Variants in ANK2 observed in about 807,000 individuals in gnomAD.
ANK2 encodes ankyrin-2.
ANK2 carries 83 observed loss-of-function variants against 360.5 expected under a neutral mutation model. That is an observed-to-expected ratio of 0.23 (90% confidence interval 0.19 to 0.28). ANK2 has a LOEUF of 0.28. Ranked by LOEUF, ANK2 falls within the 10% of genes least tolerant of loss-of-function variation. The probability of loss-of-function intolerance (pLI) is 1.00; values close to 1 mark genes in which losing one functional copy is unlikely to be tolerated. For missense variants in ANK2, 4,201 were observed against 4,795.7 expected (o/e 0.88, Z 3.66); for synonymous variants, 1,740 against 1,759.5 (o/e 0.99, Z 0.28).
At chr4:113,263,054 G>A (rs550472954) in intron 13 of ANK2, among the ~76,000 whole-genome samples, 25 of 151,706 alleles carry the variant, frequency 1.6e-4, no homozygotes, top group African/African-American at 6.1e-4. Flanking sequence ...TGGGCATGGT[G>A]GCGGGCACCT....
chr4:112,716,135 G>A, the ANK2 span, among the ~76,000 whole-genome samples: 1 of 152,142 alleles, frequency 6.6e-6, no homozygotes, highest in African/African-American at 2.4e-5. Context: ...AATGAGGTTT[G>A]CACAGCCCCC....
At chr4:113,021,675 C>A (rs1267299613) in intron 2 of ANK2, among the ~76,000 whole-genome samples, 2 of 149,862 alleles carry the variant, frequency 1.3e-5, no homozygotes, top group African/African-American at 2.4e-5. Flanking sequence ...ATTTATGATT[C>A]ATTGAATGAG....
the ANK2 span, among the ~76,000 whole-genome samples, chr4:112,805,436 T>C: frequency 9.9e-5 from 15 of 152,278 alleles, no homozygotes; most frequent in Non-Finnish European, 2.2e-4. Flanking sequence ...CAGATCATTT[T>C]TTGTGCTCGC....
chr4:113,365,690 CTT>C (rs778345729), intron 41 of ANK2, among the ~76,000 whole-genome samples: 57 of 129,852 alleles, frequency 4.4e-4, no homozygotes, highest in African/African-American at 1.2e-3. Context: ...CTCTCTCTCT[CTT>C]ATCTCTATTT....
intron 2 of ANK2, among the ~76,000 whole-genome samples, chr4:112,932,799 A>C (rs2093386012): frequency 6.6e-6 from 1 of 152,172 alleles, no homozygotes; most frequent in Non-Finnish European, 1.5e-5. Context: ...TAAATGAGTG[A>C]AATTAATCAA....
At chr4:112,764,026 C>T in the ANK2 span, among the ~76,000 whole-genome samples, 1 of 152,070 alleles carries the variant, frequency 6.6e-6, no homozygotes, top group Admixed American at 6.6e-5. Flanking sequence ...TCACTGCAAC[C>T]TCCGCCTCCC....
intron 2 of ANK2, among the ~76,000 whole-genome samples, chr4:113,179,079 C>T (rs2098325542): frequency 1.3e-5 from 2 of 152,082 alleles, no homozygotes; most frequent in African/African-American, 4.8e-5. Flanking sequence ...TACTAAAACT[C>T]AAATACAATA....
intron 26 of ANK2, chr4:113,323,737 TA>T (rs2153882607): frequency 1.2e-6 from 2 of 1,608,206 alleles, no homozygotes; most frequent in Non-Finnish European, 1.7e-6. Context: ...TTCTCTGTGC[TA>T]AAGTATCTAT....
chr4:112,755,672 T>G, the ANK2 span: 1 of 166,676 alleles, frequency 6.0e-6, no homozygotes, highest in Non-Finnish European at 1.3e-5. Context: ...AAGGCTATTT[T>G]CACTTCTTTT....
chr4:113,118,335 A>G (rs895604496), intron 1 of ANK2, among the ~76,000 whole-genome samples: 1 of 152,216 alleles, frequency 6.6e-6, no homozygotes, highest in African/African-American at 2.4e-5. Context: ...AGCTGTTGTT[A>G]AACATAGCTC....
chr4:112,975,525 G>A (rs562260997), intron 2 of ANK2, among the ~76,000 whole-genome samples: 1 of 152,256 alleles, frequency 6.6e-6, no homozygotes, highest in South Asian at 2.1e-4. Context: ...ACAAAAATGG[G>A]TTTAATTAAA....
At chr4:113,159,169 C>T (rs1342114227) in intron 1 of ANK2, among the ~76,000 whole-genome samples, 1 of 142,936 alleles carries the variant, frequency 7.0e-6, no homozygotes, top group African/African-American at 2.6e-5. Flanking sequence ...ATGACTTCCT[C>T]TCTCTCTCTT....
chr4:113,123,448 T>TAA (rs2095487815), intron 1 of ANK2, among the ~76,000 whole-genome samples: 1 of 152,184 alleles, frequency 6.6e-6, no homozygotes, highest in Non-Finnish European at 1.5e-5. Context: ...CACTCTTTTT[T>TAA]ATTTGTATTT....
intron 41 of ANK2, among the ~76,000 whole-genome samples, chr4:113,365,589 C>T (rs2096492046): frequency 6.6e-6 from 1 of 152,058 alleles, no homozygotes; most frequent in South Asian, 2.1e-4. Context: ...CCTCGGGGAC[C>T]TCCAGCCATT....
chr4:113,152,094 A>G (rs138826789), intron 1 of ANK2, among the ~76,000 whole-genome samples: 1 of 80,544 alleles, frequency 1.2e-5, no homozygotes, highest in African/African-American at 6.4e-5. Flanking sequence ...AAAAAAAAAA[A>G]GAAAAAAGAA....
intron 1 of ANK2, among the ~76,000 whole-genome samples, chr4:112,861,999 T>C (rs913533354): frequency 5.3e-5 from 8 of 152,238 alleles, no homozygotes; most frequent in Non-Finnish European, 1.2e-4. Context: ...AAATCTATAA[T>C]GTGCCATACT....
the ANK2 span, among the ~76,000 whole-genome samples, chr4:112,769,536 C>T: frequency 6.6e-6 from 1 of 152,102 alleles, no homozygotes; most frequent in African/African-American, 2.4e-5. Flanking sequence ...TTCATTCTTC[C>T]TCAGAAATAG....
chr4:112,762,321 A>G, the ANK2 span, among the ~76,000 whole-genome samples: 6 of 152,200 alleles, frequency 3.9e-5, no homozygotes, highest in African/African-American at 7.2e-5. Flanking sequence ...TCAAATGTCT[A>G]CTCTTAATAA....
intron 2 of ANK2, among the ~76,000 whole-genome samples, chr4:113,016,906 C>G (rs1176982891): frequency 1.3e-5 from 2 of 152,186 alleles, no homozygotes; most frequent in East Asian, 3.9e-4. Flanking sequence ...TACCTCCCAT[C>G]AACTTGGAGT....
Sources: gnomAD v4.1 joint callset for allele counts (sites outside exome capture counted in the v4.1 genomes callset) on GRCh38, gnomAD v4.1.1 for gene constraint, MANE v1.5 for transcripts, NCBI Gene and HGNC (gene_info 2026-07-23, HGNC 2026-07-21) for gene names.